NFKB1: variants seen among roughly 807,000 people sequenced by gnomAD.
NFKB1 encodes nuclear factor NF-kappa-B p105 subunit.
A neutral mutation model predicts 105.1 loss-of-function variants in NFKB1; 9 were observed. The ratio of observed to expected loss-of-function variants is 0.09; its 90% CI spans 0.05 to 0.15. The LOEUF is 0.15. Ranked by LOEUF, NFKB1 falls within the 10% of genes least tolerant of loss-of-function variation. The probability of loss-of-function intolerance (pLI) is 1.00; values close to 1 mark genes in which losing one functional copy is unlikely to be tolerated. For synonymous variants in NFKB1, 440 were observed against 442.2 expected (o/e 1.00, Z 0.06); for missense variants, 830 against 1,203.7 (o/e 0.69, Z 4.59).
At chr4:102,546,931 T>C (rs1187331941) in intron 5 of NFKB1, among the ~76,000 whole-genome samples, 2 of 152,132 alleles carry the variant, frequency 1.3e-5, no homozygotes, top group East Asian at 3.9e-4. Context: ...GCTCCCTGAA[T>C]AGAGTAGGAA....
At chr4:102,544,246 A>G (rs952394089) in intron 5 of NFKB1, among the ~76,000 whole-genome samples, 1 of 152,118 alleles carries the variant, frequency 6.6e-6, no homozygotes, top group African/African-American at 2.4e-5. Context: ...ATCTTTTTAA[A>G]TGATCTATGT....
intron 1 of NFKB1, among the ~76,000 whole-genome samples, chr4:102,504,625 A>G (rs1370144182): frequency 6.6e-6 from 1 of 152,206 alleles, no homozygotes; most frequent in Non-Finnish European, 1.5e-5. Flanking sequence ...ACAGTAGACC[A>G]TACTGGAGCA....
At position 102,612,541 on chromosome 4, in the gene NFKB1, G is replaced by A; in HGVS notation, c.2527G>A (p.Gly843Arg). 6.2e-7 allele frequency: 1 copy of A among 1,613,984 alleles called. No homozygotes were observed. The highest frequency in any genetic ancestry group is 8.5e-7 in the Non-Finnish European group (1 of 1,180,002). Residue 843 changes from glycine (G) to arginine (R), a missense_variant, in exon 22 of 24, where the codon GGG (glycine) becomes AGG (arginine). Coordinates refer to ENST00000226574, the MANE Select transcript of NFKB1 (RefSeq NM_003998.4). The part of the protein sequence containing the change: ...WATLAQKLGL[G>R]ILNNAFRLSP... ...TACTCTGGCGCAGAAATTAGGTCTG[G>A]GGATACTTAATAATGCCTTCCGGCT... is the stretch of plus-strand genomic sequence containing the variant.
chr4:102,611,775 C>CTGACT (rs1467647452), intron 20 of NFKB1, among the ~76,000 whole-genome samples: 1 of 152,220 alleles, frequency 6.6e-6, no homozygotes, highest in Non-Finnish European at 1.5e-5. Context: ...GGCTATAGCT[C>CTGACT]TGACTCTCTG....
At chr4:102,571,554 G>A (rs1724360111) in intron 6 of NFKB1, among the ~76,000 whole-genome samples, 1 of 152,118 alleles carries the variant, frequency 6.6e-6, no homozygotes. Context: ...GCAACCTACA[G>A]AATGGGAGAA....
At chr4:102,587,547 A>C (rs1391609771) in intron 11 of NFKB1, among the ~76,000 whole-genome samples, 1 of 152,020 alleles carries the variant, frequency 6.6e-6, no homozygotes, top group Non-Finnish European at 1.5e-5. Context: ...TGATTACTTT[A>C]ATGCCTCGTT....
chr4:102,535,719 CTTCTG>C (rs2149125553), intron 4 of NFKB1, among the ~76,000 whole-genome samples: 1 of 152,200 alleles, frequency 6.6e-6, no homozygotes, highest in African/African-American at 2.4e-5. Context: ...AGATTAAAAA[CTTCTG>C]AGGATTTAGA....
At chr4:102,516,759 C>G (rs1199269104) in intron 1 of NFKB1, among the ~76,000 whole-genome samples, 2 of 151,752 alleles carry the variant, frequency 1.3e-5, no homozygotes, top group African/African-American at 2.4e-5. Context: ...TTTTATTGTA[C>G]ATTGTGGAGA....
intron 1 of NFKB1, among the ~76,000 whole-genome samples, chr4:102,513,878 T>C (rs909795268): frequency 7.2e-5 from 11 of 151,918 alleles, no homozygotes; most frequent in Admixed American, 1.3e-4. Flanking sequence ...TATTTAAAAA[T>C]AATGTGGACT....
intron 11 of NFKB1, among the ~76,000 whole-genome samples, chr4:102,589,386 A>G (rs574374172): frequency 2.9e-4 from 44 of 152,284 alleles, no homozygotes; most frequent in African/African-American, 9.9e-4. Context: ...AATCTAAAAC[A>G]TATTTGATAA....
chr4:102,578,816 A>G, intron 7 of NFKB1, 65 bp from the exon 8 acceptor site: 1 of 1,532,020 alleles, frequency 6.5e-7, no homozygotes, highest in Non-Finnish European at 8.9e-7. Context: ...GGGCTTTATA[A>G]AAGCATGGTC....
At chr4:102,539,223 C>G (rs1036233604) in intron 5 of NFKB1, among the ~76,000 whole-genome samples, 1 of 122,320 alleles carries the variant, frequency 8.2e-6, no homozygotes, top group African/African-American at 3.3e-5. Context: ...GACAACAGAG[C>G]GAGACTCTGT....
intron 3 of NFKB1, among the ~76,000 whole-genome samples, chr4:102,533,571 G>A (rs1360546281): frequency 1.3e-5 from 2 of 152,140 alleles, no homozygotes; most frequent in African/African-American, 4.8e-5. Context: ...CCGGCCATAT[G>A]CCTTTTATTG....
At chr4:102,536,904 AATTG>A (rs1741676850) in intron 4 of NFKB1, among the ~76,000 whole-genome samples, 2 of 152,230 alleles carry the variant, frequency 1.3e-5, no homozygotes, top group Admixed American at 6.6e-5. Context: ...CACTACCACA[AATTG>A]ATTGACATCA....
intron 8 of NFKB1, among the ~76,000 whole-genome samples, chr4:102,580,046 G>C: frequency 6.6e-6 from 1 of 151,522 alleles, no homozygotes; most frequent in East Asian, 1.9e-4. Flanking sequence ...TCCTAATTTA[G>C]TTTGGGAAAA....
At chr4:102,608,522 C>G (rs1728040225) in intron 19 of NFKB1, among the ~76,000 whole-genome samples, 1 of 152,192 alleles carries the variant, frequency 6.6e-6, no homozygotes, top group South Asian at 2.1e-4. Flanking sequence ...ATTTAATTCT[C>G]TAGTCCTGTG....
At chr4:102,579,232 G>C (rs138695385) in intron 8 of NFKB1, among the ~76,000 whole-genome samples, 193 bp downstream of exon 8, 45 of 152,130 alleles carry the variant, frequency 3.0e-4, no homozygotes, top group Non-Finnish European at 5.7e-4. Flanking sequence ...ATTTTAAGAG[G>C]GGCTCAATAC....
intron 4 of NFKB1, among the ~76,000 whole-genome samples, chr4:102,534,378 G>A (rs1741498306): frequency 6.6e-6 from 1 of 152,138 alleles, no homozygotes; most frequent in Non-Finnish European, 1.5e-5. Context: ...AAGTACCAGT[G>A]GGAAGTAAAA....
intron 1 of NFKB1, among the ~76,000 whole-genome samples, chr4:102,512,222 G>A (rs1209030733): frequency 6.6e-6 from 1 of 152,222 alleles, no homozygotes; most frequent in Non-Finnish European, 1.5e-5. Flanking sequence ...CAGGGTCACT[G>A]ACAGAGACAT....
Sources: gnomAD v4.1 joint callset for allele counts (sites outside exome capture counted in the v4.1 genomes callset) on GRCh38, gnomAD v4.1.1 for gene constraint, MANE v1.5 for transcripts, NCBI Gene and HGNC (gene_info 2026-07-23, HGNC 2026-07-21) for gene names.